Variants in DAP observed in about 807,000 individuals in gnomAD.
The protein encoded by DAP is death-associated protein 1.
A neutral mutation model predicts 13.8 loss-of-function variants in DAP; 8 were observed. That is an observed-to-expected ratio of 0.58 (90% CI 0.34 to 1.05). The LOEUF (loss-of-function observed/expected upper bound fraction) is 1.05, where lower values mean the gene tolerates loss of function less well. Among genes scored for constraint, DAP ranks in the 50% least tolerant of loss-of-function variants. DAP has a pLI of 0.03. For missense variants in DAP, 106 were observed against 133.2 expected (o/e 0.80, Z 1.01); for synonymous variants, 47 against 47.5 (o/e 0.99, Z 0.04).
chr5:10,695,940 A>G (rs1579789690), intron 2 of DAP, among the ~76,000 whole-genome samples: 1 of 152,114 alleles, frequency 6.6e-6, no homozygotes. Flanking sequence ...GCTCATCAGT[A>G]GATGACGTGT....
In DAP at chr5:10,679,991, T is replaced by G. The variant is rs770357377; in HGVS notation, c.*1065A>C. 3 of 152,504 alleles carry G rather than the reference T, an allele frequency of 2.0e-5. No homozygotes were observed. The highest frequency in any genetic ancestry group is 2.9e-5 in the Non-Finnish European group (2 of 68,160). The allele number at this position is 152,504 out of a possible 1,614,324, so 9.4% of individuals were successfully genotyped here. On this transcript the variant is annotated 3_prime_UTR_variant, in exon 4 of 4. Transcript: ENST00000230895. ...TACTGCCACCAGCCAGTGAGCAGAC[T>G]AGGACATCTCTAGACAGGAAACTCA... is the stretch of plus-strand genomic sequence containing the variant.
intron 1 of DAP, among the ~76,000 whole-genome samples, chr5:10,753,910 G>C (rs1420373857): frequency 6.6e-6 from 1 of 152,234 alleles, no homozygotes; most frequent in African/African-American, 2.4e-5. Flanking sequence ...GACTGTTCCA[G>C]TGGAAGGAAC....
chr5:10,743,752 C>T (rs1224269079), intron 2 of DAP, among the ~76,000 whole-genome samples: 4 of 152,076 alleles, frequency 2.6e-5, no homozygotes, highest in African/African-American at 7.2e-5. Context: ...TTAATTGGGT[C>T]GGCTCGAGAT....
intron 2 of DAP, among the ~76,000 whole-genome samples, chr5:10,697,170 A>G (rs915335420): frequency 6.6e-6 from 1 of 152,198 alleles, no homozygotes; most frequent in Non-Finnish European, 1.5e-5. Context: ...CCATCTCTAA[A>G]GACGCTAGAT....
rs190770978 is a variant in DAP at position 10,679,997 on chromosome 5, A to G, written c.*1059T>C. 6.6e-6 allele frequency: 1 copy of G among 152,594 alleles called. No individual in the cohort carries two copies. Among genetic ancestry groups the G allele is most frequent in the East Asian group, 1.9e-4 (1 of 5,334 alleles). The allele number at this position is 152,594 out of a possible 1,614,324, so 9.5% of individuals were successfully genotyped here. A position where few individuals can be genotyped will look rare whatever the true frequency, so the allele number is the denominator to read the frequency against. ...CACCAGCCAGTGAGCAGACTAGGACATCTCTAGACAGGAAACTCATCTAAA... is the reference window on the plus strand; with the variant it reads ...CACCAGCCAGTGAGCAGACTAGGACGTCTCTAGACAGGAAACTCATCTAAA... On this transcript the variant is annotated 3_prime_UTR_variant, in exon 4 of 4. Coordinates refer to ENST00000230895, the MANE Select transcript of DAP (RefSeq NM_004394.3).
At chr5:10,737,413 G>A (rs754999770) in intron 2 of DAP, among the ~76,000 whole-genome samples, 10 of 151,750 alleles carry the variant, frequency 6.6e-5, no homozygotes, top group Non-Finnish European at 1.2e-4. Context: ...AGAGCTGGCC[G>A]GTGCTCAGCA....
At chr5:10,754,224 G>C (rs960757404) in intron 1 of DAP, among the ~76,000 whole-genome samples, 11 of 152,164 alleles carry the variant, frequency 7.2e-5, no homozygotes, top group Non-Finnish European at 1.0e-4. Context: ...CAGAGAGTGG[G>C]TACTGACAGT....
At chr5:10,688,526 T>C (rs1738214157) in intron 2 of DAP, among the ~76,000 whole-genome samples, 1 of 152,224 alleles carries the variant, frequency 6.6e-6, no homozygotes, top group South Asian at 2.1e-4. Flanking sequence ...ATTTGCTTTA[T>C]TATGGTGGCC....
chr5:10,682,502 G>C (rs1343392070), intron 3 of DAP, among the ~76,000 whole-genome samples: 4 of 151,762 alleles, frequency 2.6e-5, no homozygotes, highest in African/African-American at 9.7e-5. Context: ...AGGAAGCATG[G>C]GGTTTGTGGG....
At chr5:10,713,552 T>C (rs1313788356) in intron 2 of DAP, among the ~76,000 whole-genome samples, 1 of 152,230 alleles carries the variant, frequency 6.6e-6, no homozygotes, top group South Asian at 2.1e-4. Flanking sequence ...TTACCCCCAC[T>C]TTCCAGCTAA....
At chr5:10,736,923 C>A (rs5745202) in intron 2 of DAP, among the ~76,000 whole-genome samples, 22 of 152,256 alleles carry the variant, frequency 1.4e-4, no homozygotes, top group Non-Finnish European at 3.1e-4. Flanking sequence ...ACATGTCACT[C>A]AGTGCCTGGG....
At chr5:10,721,027 T>C (rs1739123209) in intron 2 of DAP, among the ~76,000 whole-genome samples, 3 of 152,228 alleles carry the variant, frequency 2.0e-5, no homozygotes, top group African/African-American at 2.4e-5. Flanking sequence ...TCACTGGTCT[T>C]ACCATGTTCT....
At chr5:10,726,364 A>AT (rs1739288315) in intron 2 of DAP, among the ~76,000 whole-genome samples, 1 of 152,240 alleles carries the variant, frequency 6.6e-6, no homozygotes, top group African/African-American at 2.4e-5. Context: ...TGTGTCTCAG[A>AT]TAAGTGCTGC....
intron 2 of DAP, among the ~76,000 whole-genome samples, chr5:10,697,387 A>G (rs1039316078): frequency 6.6e-6 from 1 of 152,222 alleles, no homozygotes; most frequent in African/African-American, 2.4e-5. Flanking sequence ...GCTTGATTTC[A>G]GTATGTAACA....
intron 2 of DAP, among the ~76,000 whole-genome samples, chr5:10,691,480 G>T (rs1300951975): frequency 1.3e-5 from 2 of 152,252 alleles, no homozygotes; most frequent in African/African-American, 2.4e-5. Context: ...AGGTCTGGGT[G>T]TAAGGCTGTA....
intron 2 of DAP, among the ~76,000 whole-genome samples, chr5:10,724,960 T>A (rs1739249015): frequency 6.6e-6 from 1 of 152,110 alleles, no homozygotes; most frequent in Non-Finnish European, 1.5e-5. Context: ...GACTTGAGCT[T>A]CTTCCTCCCC....
In DAP at chr5:10,753,757, C is replaced by G. The variant is rs115940441; in HGVS notation, c.56-5486G>C. On this transcript the variant is annotated intron_variant, in intron 1 of 3. Coordinates refer to ENST00000230895, the MANE Select transcript of DAP (RefSeq NM_004394.3). ...AGCTAGGAAGGGCTGTTAACTCACA[C>G]AAATGTCCCAAAAGCATCCACTGCA... is the stretch of plus-strand genomic sequence containing the variant. Among the ~76,000 whole-genome samples, 223 of 152,316 alleles carry G rather than the reference C, an allele frequency of 1.5e-3. 1 individual carries two copies. Among genetic ancestry groups the G allele is most frequent in the African/African-American group, 5.3e-3 (220 of 41,558 alleles).
Position 10,691,511 on chromosome 5 carries a change from T to G in DAP, c.153-7940A>C, listed in dbSNP as rs5745260. Among the ~76,000 whole-genome samples, 22 of 152,360 alleles carry G rather than the reference T, an allele frequency of 1.4e-4. No individual in the cohort carries two copies. In the East Asian group the frequency reaches 3.7e-3, roughly 25 times the overall value. ...CTGTACATGCAAAACACACCTATTT[T>G]AAATGCCATTAGGCTTCCATGCAAA... is the stretch of plus-strand genomic sequence containing the variant. On this transcript the variant is annotated intron_variant, in intron 2 of 3. Coordinates refer to ENST00000230895, the MANE Select transcript of DAP (RefSeq NM_004394.3).
At chr5:10,737,807 TC>T (rs1739654259) in intron 2 of DAP, among the ~76,000 whole-genome samples, 1 of 152,194 alleles carries the variant, frequency 6.6e-6, no homozygotes, top group Non-Finnish European at 1.5e-5. Flanking sequence ...TCCCAGTACT[TC>T]AGAATGTGAG....
Sources: allele counts gnomAD v4.1 joint callset (sites outside exome capture counted in the v4.1 genomes callset), GRCh38; gene constraint gnomAD v4.1.1; transcripts MANE v1.5; gene names NCBI Gene and HGNC (gene_info 2026-07-23, HGNC 2026-07-21).